Variants in DENND4C observed in about 807,000 individuals in gnomAD.
DENND4C encodes DENN domain containing 4C, also known as DENN domain-containing protein 4C.
Under a neutral mutation model 203.0 loss-of-function variants are expected in DENND4C, and 108 were observed. That is an observed-to-expected ratio of 0.53 (90% confidence interval 0.46 to 0.62). The LOEUF is 0.62. Ranked by LOEUF, DENND4C falls within the 20% of genes least tolerant of loss-of-function variation. DENND4C has a pLI of 0.00. For synonymous variants in DENND4C, 871 were observed against 792.4 expected, an observed-to-expected ratio of 1.10 and a Z score of -1.67; for missense variants, 2,481 against 2,301.2, an observed-to-expected ratio of 1.08 and a Z score of -1.60.
At chr9:19,242,637 C>T (rs1824047508) in intron 1 of DENND4C, among the ~76,000 whole-genome samples, 1 of 149,680 alleles carries the variant, frequency 6.7e-6, no homozygotes, top group Admixed American at 6.8e-5. Flanking sequence ...GGATTGGTAT[C>T]TCATTGCTAT....
chr9:19,336,672 G>A lies in DENND4C; in HGVS notation c.2735-14G>A, dbSNP rs1166129845. The A allele has an allele frequency of 6.5e-7, 1 of 1,549,884 alleles. No homozygotes were observed. Among genetic ancestry groups the A allele is most frequent in the Non-Finnish European group, 8.7e-7 (1 of 1,146,484 alleles). ...ATGCATGAGTTATTGAACTGCTATT[G>A]TCCTTATCTTTAGCTCTTCAAAATG... On this transcript the variant is annotated splice_polypyrimidine_tract_variant and intron_variant, in intron 19 of 32. Coordinates refer to ENST00000434457, the MANE Select transcript of DENND4C (RefSeq NM_001330640.2).
intron 2 of DENND4C, among the ~76,000 whole-genome samples, chr9:19,283,614 T>A (rs557351289): frequency 6.9e-6 from 1 of 145,064 alleles, no homozygotes; most frequent in African/African-American, 2.5e-5. Flanking sequence ...TTCTTTCTTT[T>A]TTTTTTTTTT....
intron 13 of DENND4C, 30 bp downstream of exon 13, chr9:19,324,537 GA>G (rs759478303): frequency 1.6e-5 from 26 of 1,581,978 alleles, no homozygotes; most frequent in African/African-American, 5.5e-5. Flanking sequence ...CTAGTGTTTA[GA>G]AAAAAAAGTT....
chr9:19,347,208 T>A, intron 23 of DENND4C, 122 bp downstream of exon 23: 2 of 985,384 alleles, frequency 2.0e-6, no homozygotes, highest in South Asian at 3.5e-5. Flanking sequence ...GGCATGATTT[T>A]GGCTGTCTGC....
At chr9:19,352,376 T>A (rs1824346144) in intron 25 of DENND4C, 114 bp from the exon 26 acceptor site, 1 of 1,164,094 alleles carries the variant, frequency 8.6e-7, no homozygotes. Flanking sequence ...GAACTGTTAT[T>A]AATAATTCCA....
At chr9:19,321,980 A>G (rs193252990) in intron 12 of DENND4C, among the ~76,000 whole-genome samples, 5 of 152,290 alleles carry the variant, frequency 3.3e-5, no homozygotes, top group Admixed American at 3.3e-4. Flanking sequence ...AGAAGGAATA[A>G]AGGATAGCTG....
At chr9:19,359,205 G>C (rs1003461750) in intron 28 of DENND4C, among the ~76,000 whole-genome samples, 1 of 151,524 alleles carries the variant, frequency 6.6e-6, no homozygotes, top group African/African-American at 2.4e-5. Context: ...GGAGGAATAG[G>C]GTATCATTAT....
chr9:19,297,120 C>G (rs1381127829), intron 6 of DENND4C, among the ~76,000 whole-genome samples: 3 of 152,012 alleles, frequency 2.0e-5, no homozygotes, highest in Admixed American at 6.6e-5. Flanking sequence ...ATTTATGTAT[C>G]CTGCTAACAA....
In DENND4C at chr9:19,328,285, T is replaced by C. The variant is rs868239390; in HGVS notation, c.2253+123T>C. 1.6e-5 allele frequency: 16 copies of C among 1,002,310 alleles called. 1 individual carries two copies. In the South Asian group the frequency reaches 2.3e-4, roughly 14 times the overall value. 62.1% of individuals were successfully genotyped at this position (1,002,310 alleles called of 1,614,324 possible). ...TTTGAAGACTCACTTTGGTTGTTAT[T>C]GAATTTAACTAGATTTCTTGCAAGC... On this transcript the variant is annotated intron_variant, in intron 16 of 32. Coordinates refer to ENST00000434457, the MANE Select transcript of DENND4C (RefSeq NM_001330640.2).
chr9:19,345,704 G>A (rs1822731075), intron 22 of DENND4C, among the ~76,000 whole-genome samples: 1 of 152,028 alleles, frequency 6.6e-6, no homozygotes, highest in South Asian at 2.1e-4. Context: ...ATAAATATAG[G>A]ATGAAAGACA....
chr9:19,345,903 T>C lies in DENND4C; in HGVS notation c.3152-18T>C. ...TTGGAAAATAGGTTCATTGTTAATATTTTACTTTCCCTTTTAGGTAGTATA... is the reference window on the plus strand; with the variant it reads ...TTGGAAAATAGGTTCATTGTTAATACTTTACTTTCCCTTTTAGGTAGTATA... On this transcript the variant is annotated intron_variant, in intron 22 of 32. Transcript: ENST00000434457. 1 of 1,560,262 alleles carries C rather than the reference T, an allele frequency of 6.4e-7. No individual in the cohort carries two copies. The highest frequency in any genetic ancestry group is 8.7e-7 in the Non-Finnish European group (1 of 1,155,520).
chr9:19,342,102 C>T lies in DENND4C; in HGVS notation c.3005-531C>T, dbSNP rs571734622. On this transcript the variant is annotated intron_variant, in intron 21 of 32. Coordinates refer to ENST00000434457, the MANE Select transcript of DENND4C (RefSeq NM_001330640.2). ...TTGTGCCATTGCACTCTAGCCTGGGCGACAAGAGCAAGACTCCATCTCAAA... is the reference window on the plus strand; with the variant it reads ...TTGTGCCATTGCACTCTAGCCTGGGTGACAAGAGCAAGACTCCATCTCAAA... Among the ~76,000 whole-genome samples the T allele has an allele frequency of 3.9e-5, 5 of 126,608 alleles. No homozygotes were observed. The East Asian group carries it at 6.6e-4, about 17-fold the overall frequency. The allele number at this position is 126,608 out of a possible 152,430, so 83.1% of individuals were successfully genotyped here.
chr9:19,263,095 T>A (rs546051264), intron 1 of DENND4C, among the ~76,000 whole-genome samples: 1 of 152,328 alleles, frequency 6.6e-6, no homozygotes, highest in South Asian at 2.1e-4. Flanking sequence ...GCTCTTACTG[T>A]GTTAAGGTAT....
chr9:19,298,327 C>T (rs1031704521), intron 7 of DENND4C, among the ~76,000 whole-genome samples: 14 of 152,060 alleles, frequency 9.2e-5, no homozygotes, highest in Non-Finnish European at 1.5e-5. Flanking sequence ...AATTATAACC[C>T]TTGGTTCATA....
At chr9:19,345,872 G>A in intron 22 of DENND4C, 49 bp from the exon 23 acceptor site, 1 of 1,444,700 alleles carries the variant, frequency 6.9e-7, no homozygotes. Flanking sequence ...TTTAATAAAA[G>A]TTAACTTGGA....
chr9:19,290,504 A>G (rs1023209139), intron 4 of DENND4C, among the ~76,000 whole-genome samples, 200 bp from the exon 5 acceptor site: 12 of 152,234 alleles, frequency 7.9e-5, no homozygotes, highest in African/African-American at 2.2e-4. Flanking sequence ...AAATGTTACA[A>G]TGAACTGTAA....
intron 18 of DENND4C, among the ~76,000 whole-genome samples, chr9:19,335,730 T>C (rs1395939277): frequency 6.6e-6 from 1 of 152,232 alleles, no homozygotes; most frequent in Non-Finnish European, 1.5e-5. Context: ...TGTGTATATA[T>C]ACCACATTTT....
At chr9:19,306,275 C>G (rs1486317119) in intron 10 of DENND4C, among the ~76,000 whole-genome samples, 2 of 152,024 alleles carry the variant, frequency 1.3e-5, no homozygotes, top group African/African-American at 4.8e-5. Flanking sequence ...TGGGTAAGGC[C>G]TGAATAGTTC....
chr9:19,294,911 C>G (rs1353093685), intron 5 of DENND4C, among the ~76,000 whole-genome samples: 2 of 152,072 alleles, frequency 1.3e-5, no homozygotes, highest in Non-Finnish European at 1.5e-5. Flanking sequence ...TGGGAAGTTA[C>G]CATTTAAGGG....
Sources: gnomAD v4.1 joint callset for allele counts (sites outside exome capture counted in the v4.1 genomes callset) on GRCh38, gnomAD v4.1.1 for gene constraint, MANE v1.5 for transcripts, NCBI Gene and HGNC (gene_info 2026-07-23, HGNC 2026-07-21) for gene names.